Variants in CDH23 observed in about 807,000 individuals in gnomAD.
CDH23 encodes the protein cadherin related 23.
Under a neutral mutation model 317.1 loss-of-function variants are expected in CDH23, and 189 were observed. The observed-to-expected ratio is 0.60, with a 90% CI of 0.53 to 0.67. The LOEUF (loss-of-function observed/expected upper bound fraction) is 0.67, where lower values mean the gene tolerates loss of function less well. Among genes scored for constraint, CDH23 ranks in the 30% least tolerant of loss-of-function variants. The pLI is 0.00. For synonymous variants in CDH23, 1,839 were observed against 1,876.8 expected, an observed-to-expected ratio of 0.98 and a Z score of 0.52; for missense variants, 4,401 against 4,592.4, an observed-to-expected ratio of 0.96 and a Z score of 1.20.
At chr10:71,399,565 T>A (rs532554381) in intron 1 of CDH23, among the ~76,000 whole-genome samples, 14 of 152,298 alleles carry the variant, frequency 9.2e-5, no homozygotes, top group South Asian at 6.2e-4. Flanking sequence ...TAGGGTTTTT[T>A]AAATAGATTA....
At chr10:71,677,359 C>A in intron 15 of CDH23, 97 bp from the exon 16 acceptor site, 2 of 797,656 alleles carry the variant, frequency 2.5e-6, no homozygotes, top group Middle Eastern at 2.6e-4. Flanking sequence ...TTCTGTTTGT[C>A]ACTCTGGGCA....
At chr10:71,579,857 G>A (rs781631841) in intron 9 of CDH23, among the ~76,000 whole-genome samples, 5 of 152,174 alleles carry the variant, frequency 3.3e-5, no homozygotes, top group South Asian at 4.1e-4. Context: ...AGGGAACACC[G>A]GTGAGCCCTG....
intron 3 of CDH23, among the ~76,000 whole-genome samples, chr10:71,455,730 C>G (rs1850663622): frequency 6.6e-6 from 1 of 152,140 alleles, no homozygotes; most frequent in African/African-American, 2.4e-5. Context: ...TCACGGGTAG[C>G]AGTGAGGGGT....
chr10:71,432,350 A>G, intron 1 of CDH23, among the ~76,000 whole-genome samples: 1 of 104,218 alleles, frequency 9.6e-6, no homozygotes, highest in African/African-American at 4.0e-5. Flanking sequence ...GCGGTGTGTG[A>G]GTGTGAGAGT....
chr10:71,702,207 T>G lies in CDH23; in HGVS notation c.2583T>G (p.Thr861=), dbSNP rs1200729122. 2 of 1,613,686 alleles carry G rather than the reference T, an allele frequency of 1.2e-6. No individual in the cohort carries two copies. The highest frequency in any genetic ancestry group is 1.3e-5 in the African/African-American group (1 of 75,058). The part of the protein sequence containing the change: ...ELMRKIVVSV[T]DCGRPPLKAT... Reference sequence around the variant, plus strand: ...TGCGCAAAATCGTCGTCTCTGTTACTGACTGTATGGACCCCTCTCGCCCCT... The same window carrying G: ...TGCGCAAAATCGTCGTCTCTGTTACGGACTGTATGGACCCCTCTCGCCCCT... Residue 861 remains threonine (T), a synonymous_variant, in exon 23 of 70, where the codon ACT becomes ACG. Coordinates refer to ENST00000224721, the MANE Select transcript of CDH23 (RefSeq NM_022124.6).
At chr10:71,426,547 T>G (rs1490219697) in intron 1 of CDH23, among the ~76,000 whole-genome samples, 2 of 149,512 alleles carry the variant, frequency 1.3e-5, no homozygotes, top group African/African-American at 2.5e-5. Flanking sequence ...TGGCTGGGAG[T>G]GAGAGGTGGG....
chr10:71,796,957 T>G, intron 48 of CDH23, 147 bp from the exon 49 acceptor site: 2 of 606,858 alleles, frequency 3.3e-6, no homozygotes, highest in Non-Finnish European at 6.0e-6. Context: ...GAGGAGGCTG[T>G]GGGCCCACCC....
intron 11 of CDH23, 40 bp downstream of exon 11, chr10:71,617,433 C>T: frequency 6.3e-7 from 1 of 1,599,400 alleles, no homozygotes; most frequent in Non-Finnish European, 8.5e-7. Flanking sequence ...ACCCACCACC[C>T]ATCCAGACCC....
At chr10:71,586,981 A>T (rs1489518067) in intron 9 of CDH23, among the ~76,000 whole-genome samples, 1 of 152,182 alleles carries the variant, frequency 6.6e-6, no homozygotes, top group East Asian at 1.9e-4. Flanking sequence ...TTTTGCTATT[A>T]CAAACTGTGC....
intron 33 of CDH23, 111 bp downstream of exon 33, chr10:71,734,452 G>T: frequency 6.7e-7 from 1 of 1,486,552 alleles, no homozygotes; most frequent in East Asian, 2.4e-5. Context: ...CAGCGGGCGA[G>T]GGTCTTGATA....
chr10:71,540,268 C>G (rs1050368491), intron 6 of CDH23, among the ~76,000 whole-genome samples: 1 of 152,184 alleles, frequency 6.6e-6, no homozygotes, highest in Non-Finnish European at 1.5e-5. Flanking sequence ...AGCCCAGACC[C>G]TGGACCAGAA....
intron 3 of CDH23, among the ~76,000 whole-genome samples, chr10:71,503,015 TAAC>T (rs1217881128): frequency 6.6e-6 from 1 of 152,126 alleles, no homozygotes; most frequent in Non-Finnish European, 1.5e-5. Context: ...TCAGTGCAAA[TAAC>T]AACAATAAGA....
chr10:71,426,382 G>A (rs556950780), intron 1 of CDH23, among the ~76,000 whole-genome samples: 1 of 152,326 alleles, frequency 6.6e-6, no homozygotes, highest in Admixed American at 6.5e-5. Flanking sequence ...TCCATCCTTG[G>A]CTCTTGGACT....
intron 26 of CDH23, chr10:71,707,295 G>A (rs867113474): frequency 2.8e-5 from 40 of 1,432,212 alleles, no homozygotes; most frequent in Middle Eastern, 2.2e-4. Flanking sequence ...TTGCAGGGAC[G>A]GGGAGCATCT....
At chr10:71,643,907 G>C (rs370310846) in intron 12 of CDH23, 41 bp downstream of exon 12, 15 of 765,868 alleles carry the variant, frequency 2.0e-5, no homozygotes, top group Non-Finnish European at 3.6e-5. Flanking sequence ...GCTTGGGGAG[G>C]GCTTGTGGTG....
intron 11 of CDH23, among the ~76,000 whole-genome samples, chr10:71,623,250 G>A (rs529678396): frequency 6.6e-6 from 1 of 152,258 alleles, no homozygotes; most frequent in Non-Finnish European, 1.5e-5. Context: ...TGGAGCTGAG[G>A]TTAAGTGGCA....
Position 71,724,127 on chromosome 10 carries a change from T to TG in CDH23, c.3430+28dup, listed in dbSNP as rs778126293. 6 of 1,552,562 alleles carry TG rather than the reference T, an allele frequency of 3.9e-6. No individual in the cohort carries two copies. In the African/African-American group the frequency reaches 5.5e-5, roughly 14 times the overall value. On this transcript the variant is annotated intron_variant, in intron 29 of 69. Transcript: ENST00000224721. The stretch of plus-strand genomic sequence containing the variant: ...CATGGTAAGTGGGGCTGCCCTAGGA[T>TG]GGGGGGCGGTCCTCCTGCCCAGGGG...
rs201351495 is a variant in CDH23, at chr10:71,751,242, C to G, written c.4845+9321C>G. On this transcript the variant is annotated intron_variant, in intron 38 of 69. Coordinates refer to ENST00000224721, the MANE Select transcript of CDH23 (RefSeq NM_022124.6). The surrounding 1 kb of genome is among the most constrained non-coding windows in gnomAD (Gnocchi z 4.9). The stretch of plus-strand genomic sequence containing the variant: ...GACCCAGCCACAACAGCCCACTGTC[C>G]CCCAGCTGGGCTAGATGACCTCAAA... The G allele has an allele frequency of 8.8e-4, 1,406 of 1,606,516 alleles. 11 individuals carry two copies. In the African/African-American group the frequency reaches 0.015, roughly 17 times the overall value.
chr10:71,532,224 C>A (rs1364968578), intron 6 of CDH23, among the ~76,000 whole-genome samples: 1 of 152,196 alleles, frequency 6.6e-6, no homozygotes, highest in Non-Finnish European at 1.5e-5. Flanking sequence ...GGGCAAGGAG[C>A]CTCTAATTGA....
Sources: allele counts gnomAD v4.1 joint callset (sites outside exome capture counted in the v4.1 genomes callset), GRCh38; gene constraint gnomAD v4.1.1; non-coding constraint Gnocchi (gnomAD v3.1); transcripts MANE v1.5; gene names NCBI Gene and HGNC (gene_info 2026-07-23, HGNC 2026-07-21).